ACAD11: variants seen among roughly 807,000 people sequenced by gnomAD.
ACAD11 encodes acyl-Coenzyme A dehydrogenase family, member 11.
A neutral mutation model predicts 102.2 loss-of-function variants in ACAD11; 83 were observed. The observed-to-expected ratio is 0.81, with a 90% CI of 0.68 to 0.97. The LOEUF (loss-of-function observed/expected upper bound fraction) is 0.97. Among genes scored for constraint, ACAD11 ranks in the 50% least tolerant of loss-of-function variants. The probability of loss-of-function intolerance (pLI) is 0.00; values close to 1 mark genes in which losing one functional copy is unlikely to be tolerated. For missense variants in ACAD11, 901 were observed against 951.7 expected (o/e 0.95, Z 0.70); for synonymous variants, 324 against 319.8 (o/e 1.01, Z -0.14).
chr3:132,601,722 T>C (rs1938611525), intron 13 of ACAD11: 1 of 437,784 alleles, frequency 2.3e-6, no homozygotes, highest in Non-Finnish European at 4.4e-6. Context: ...AAGAGCTTTG[T>C]GGTGATAATT....
intron 12 of ACAD11, among the ~76,000 whole-genome samples, chr3:132,604,177 G>T (rs564793821): frequency 1.3e-5 from 2 of 152,184 alleles, no homozygotes; most frequent in East Asian, 3.9e-4. Flanking sequence ...GAGGCCAACT[G>T]CATTCCAAAA....
At chr3:132,588,474 C>G (rs371679639) in intron 13 of ACAD11, among the ~76,000 whole-genome samples, 2 of 152,080 alleles carry the variant, frequency 1.3e-5, no homozygotes, top group Non-Finnish European at 2.9e-5. Flanking sequence ...ATGCAATGCT[C>G]ACTTCAAAAT....
chr3:132,598,919 G>T (rs1285260614), intron 13 of ACAD11, among the ~76,000 whole-genome samples: 1 of 152,292 alleles, frequency 6.6e-6, no homozygotes, highest in Admixed American at 6.5e-5. Context: ...CAGAGGAGAG[G>T]TAGATTGGCA....
At chr3:132,560,630 T>A (rs1352332918) in intron 18 of ACAD11, among the ~76,000 whole-genome samples, 2 of 151,974 alleles carry the variant, frequency 1.3e-5, no homozygotes, top group Non-Finnish European at 2.9e-5. Context: ...TGGTCTCGAA[T>A]CCCTGGCCTC....
chr3:132,641,996 T>C lies in ACAD11; in HGVS notation c.513A>G (p.Ile171Met). The C allele has an allele frequency of 6.2e-7, 1 of 1,613,772 alleles. No individual in the cohort carries two copies. The highest frequency in any genetic ancestry group is 1.7e-4 in the Middle Eastern group (1 of 6,060). The change falls in exon 4 of 20, where the codon ATA becomes ATG. Residue 171 changes from isoleucine (I) to methionine (M), a missense_variant. Physicochemically the swap from Ile to Met is conservative, Grantham distance 10. Transcript: ENST00000264990. ...IQSLQLEGYG[I>M]GAGYCKRQVS... ...CCTGTCTTTTGCAGTACCCAGCACC[T>C]ATACCATATCCTTCCAGCTGCAGTG...
At chr3:132,621,860 T>C (rs940448543) in intron 9 of ACAD11, among the ~76,000 whole-genome samples, 9 of 151,260 alleles carry the variant, frequency 6.0e-5, no homozygotes. Context: ...ATGGCTATAG[T>C]CCCAGCTACT....
chr3:132,604,599 C>T (rs1383847842), intron 12 of ACAD11, among the ~76,000 whole-genome samples: 1 of 152,110 alleles, frequency 6.6e-6, no homozygotes, highest in Admixed American at 6.5e-5. Context: ...TTTCTATGTA[C>T]AAATGATATT....
intron 7 of ACAD11, 29 bp downstream of exon 7, chr3:132,630,408 C>A: frequency 1.9e-6 from 3 of 1,597,496 alleles, no homozygotes; most frequent in South Asian, 2.3e-5. Context: ...TAAATAATGG[C>A]GAAACACACG....
At chr3:132,631,519 T>C in intron 5 of ACAD11, 40 bp from the exon 6 acceptor site, 1 of 1,342,818 alleles carries the variant, frequency 7.4e-7, no homozygotes, top group Non-Finnish European at 9.8e-7. Flanking sequence ...ACATTAAAAC[T>C]TAAAACAAGT....
chr3:132,650,455 T>C (rs968722797), intron 1 of ACAD11: 1 of 152,202 alleles, frequency 6.6e-6, no homozygotes, highest in African/African-American at 2.4e-5. Flanking sequence ...CACACAGTCA[T>C]GAAATCCTAC....
chr3:132,658,023 G>C (rs367709441), intron 1 of ACAD11, among the ~76,000 whole-genome samples: 28 of 151,900 alleles, frequency 1.8e-4, no homozygotes, highest in African/African-American at 6.5e-4. Context: ...CACCACGCCC[G>C]GCTAATTTTT....
chr3:132,602,833 G>A (rs891468664), intron 13 of ACAD11, among the ~76,000 whole-genome samples: 6 of 151,818 alleles, frequency 4.0e-5, no homozygotes, highest in Non-Finnish European at 7.4e-5. Flanking sequence ...ACAGAGTTTC[G>A]CTCTTGTTGC....
intron 17 of ACAD11, among the ~76,000 whole-genome samples, chr3:132,566,658 G>A (rs1168327348): frequency 6.6e-6 from 1 of 152,082 alleles, no homozygotes; most frequent in Non-Finnish European, 1.5e-5. Context: ...AGTGCTGAAA[G>A]AAAAGAAACT....
At chr3:132,632,860 C>G (rs534043040) in intron 5 of ACAD11, among the ~76,000 whole-genome samples, 2 of 152,282 alleles carry the variant, frequency 1.3e-5, no homozygotes, top group South Asian at 2.1e-4. Context: ...GGAGTTCACT[C>G]ATGATTTGGC....
At chr3:132,578,438 T>C (rs1270574789) in intron 15 of ACAD11, 3 of 152,276 alleles carry the variant, frequency 2.0e-5, no homozygotes, top group Non-Finnish European at 4.4e-5. Flanking sequence ...GGGCTAAAAT[T>C]GGAGATAAAA....
chr3:132,650,765 G>C (rs1434547692), intron 1 of ACAD11, among the ~76,000 whole-genome samples: 2 of 151,960 alleles, frequency 1.3e-5, no homozygotes, highest in Non-Finnish European at 2.9e-5. Context: ...TCCTATCACT[G>C]ACAGCACTAC....
intron 11 of ACAD11, 41 bp from the exon 12 acceptor site, chr3:132,605,246 T>G (rs769343495): frequency 2.7e-5 from 40 of 1,491,276 alleles, no homozygotes; most frequent in Non-Finnish European, 3.2e-5. Context: ...ATTTGAAAAT[T>G]TATCAGTATG....
intron 1 of ACAD11, chr3:132,648,413 A>G (rs1940797345): frequency 6.6e-6 from 1 of 152,212 alleles, no homozygotes; most frequent in African/African-American, 2.4e-5. Flanking sequence ...AGGAGAAAAG[A>G]TTTTTAACCC....
intron 5 of ACAD11, among the ~76,000 whole-genome samples, chr3:132,638,651 T>C (rs1324518171): frequency 1.3e-5 from 2 of 152,232 alleles, no homozygotes; most frequent in Non-Finnish European, 2.9e-5. Context: ...CAATATTATG[T>C]AGACTCGACT....
Sources: allele counts gnomAD v4.1 joint callset (sites outside exome capture counted in the v4.1 genomes callset), GRCh38; gene constraint gnomAD v4.1.1; transcripts MANE v1.5; gene names NCBI Gene and HGNC (gene_info 2026-07-23, HGNC 2026-07-21).